Variants in DYNC1I2 observed in about 807,000 individuals in gnomAD.
DYNC1I2 encodes dynein cytoplasmic 1 intermediate chain 2.
DYNC1I2 carries 53 observed loss-of-function variants against 88.6 expected under a neutral mutation model. That is an observed-to-expected ratio of 0.60 (90% confidence interval 0.48 to 0.75). The LOEUF (loss-of-function observed/expected upper bound fraction) is 0.75. Among genes scored for constraint, DYNC1I2 ranks in the 30% least tolerant of loss-of-function variants. The probability of loss-of-function intolerance (pLI) is 0.00; values close to 1 mark genes in which losing one functional copy is unlikely to be tolerated. For missense variants in DYNC1I2, 458 were observed against 766.6 expected, an observed-to-expected ratio of 0.60 and a Z score of 4.75; for synonymous variants, 198 against 254.6, an observed-to-expected ratio of 0.78 and a Z score of 2.12.
At chr2:171,711,312 A>G (rs1687112598) in intron 5 of DYNC1I2, among the ~76,000 whole-genome samples, 1 of 151,790 alleles carries the variant, frequency 6.6e-6, no homozygotes, top group Non-Finnish European at 1.5e-5. Context: ...CCATTTTTCC[A>G]TTTTTGATCA....
chr2:171,709,679 G>A (rs188480228), intron 5 of DYNC1I2, among the ~76,000 whole-genome samples: 78 of 152,152 alleles, frequency 5.1e-4, no homozygotes, highest in Non-Finnish European at 8.8e-4. Flanking sequence ...TGAGTTTAAC[G>A]GAGAGAAAAA....
At chr2:171,735,326 A>G (rs999978777) in intron 15 of DYNC1I2, among the ~76,000 whole-genome samples, 2 of 152,178 alleles carry the variant, frequency 1.3e-5, no homozygotes, top group Non-Finnish European at 2.9e-5. Flanking sequence ...ATTGAACTCA[A>G]CTATTTTTAA....
intron 15 of DYNC1I2, among the ~76,000 whole-genome samples, chr2:171,730,975 G>C (rs1452696461): frequency 2.0e-5 from 3 of 152,092 alleles, no homozygotes; most frequent in Admixed American, 6.5e-5. Context: ...CTAAAAGCTT[G>C]CCTTTTAAAA....
At chr2:171,737,520 C>T (rs1446622975) in intron 15 of DYNC1I2, among the ~76,000 whole-genome samples, 1 of 152,162 alleles carries the variant, frequency 6.6e-6, no homozygotes, top group African/African-American at 2.4e-5. Flanking sequence ...CAGGTTCAAG[C>T]GATTATCATG....
At chr2:171,726,955 G>T in intron 11 of DYNC1I2, 39 bp downstream of exon 11, 1 of 1,519,072 alleles carries the variant, frequency 6.6e-7, no homozygotes, top group Non-Finnish European at 8.8e-7. Flanking sequence ...TCAAGTTTAA[G>T]AATTCATTGA....
chr2:171,706,818 T>A, intron 4 of DYNC1I2: 1 of 441,234 alleles, frequency 2.3e-6, no homozygotes, highest in Non-Finnish European at 4.0e-6. Context: ...TAGACAAAAG[T>A]TAATATTTTA....
chr2:171,713,827 C>G (rs542610877), intron 6 of DYNC1I2, among the ~76,000 whole-genome samples: 1 of 152,252 alleles, frequency 6.6e-6, no homozygotes, highest in South Asian at 2.1e-4. Flanking sequence ...ACTGGAAGCC[C>G]TCTGTAGTGG....
chr2:171,697,245 T>C (rs2105481836), intron 3 of DYNC1I2, among the ~76,000 whole-genome samples: 1 of 152,150 alleles, frequency 6.6e-6, no homozygotes, highest in African/African-American at 2.4e-5. Flanking sequence ...GGCTTTGAAC[T>C]CCTGGGCTCA....
chr2:171,704,824 T>A (rs1686549874), intron 3 of DYNC1I2, among the ~76,000 whole-genome samples: 1 of 152,194 alleles, frequency 6.6e-6, no homozygotes, highest in Non-Finnish European at 1.5e-5. Context: ...CTAGATTAAT[T>A]GGATTAAAAT....
intron 3 of DYNC1I2, 68 bp downstream of exon 3, chr2:171,692,962 G>A (rs774422170): frequency 9.4e-7 from 1 of 1,067,236 alleles, no homozygotes; most frequent in Non-Finnish European, 1.4e-6. Flanking sequence ...ACATAGCTGA[G>A]TGGATTGACT....
chr2:171,706,846 CTA>C (rs1029305507), intron 4 of DYNC1I2: 99 of 411,752 alleles, frequency 2.4e-4, no homozygotes, highest in African/African-American at 1.9e-3. Flanking sequence ...TCTTGAGAAA[CTA>C]GAGATTAAAT....
chr2:171,700,776 C>T (rs1263394504), intron 3 of DYNC1I2, among the ~76,000 whole-genome samples: 3 of 152,054 alleles, frequency 2.0e-5, no homozygotes, highest in Non-Finnish European at 4.4e-5. Flanking sequence ...GGACTACAGG[C>T]GCCCGCCACC....
chr2:171,691,901 T>C (rs1397966287), intron 2 of DYNC1I2, among the ~76,000 whole-genome samples: 1 of 152,124 alleles, frequency 6.6e-6, no homozygotes, highest in Non-Finnish European at 1.5e-5. Flanking sequence ...TATTAAACTG[T>C]GAGTCTATTA....
At chr2:171,733,651 T>C (rs1688797131) in intron 15 of DYNC1I2, among the ~76,000 whole-genome samples, 1 of 151,748 alleles carries the variant, frequency 6.6e-6, no homozygotes, top group African/African-American at 2.4e-5. Context: ...AAATTTAAGT[T>C]CCTTATAGAT....
At position 171,730,566 on chromosome 2, in the gene DYNC1I2, A is replaced by T. The variant is rs963948527; in HGVS notation, c.1536+713A>T. Among the ~76,000 whole-genome samples, 17 of 152,338 alleles carry T rather than the reference A, an allele frequency of 1.1e-4. No individual in the cohort carries two copies. In the East Asian group the frequency reaches 3.1e-3, roughly 28 times the overall value. ...AGTAGGCAACATTACCTCCTGTGAT[A>T]GACTTGTAATTTCATTTAATCTCAT... On this transcript the variant is annotated intron_variant, in intron 15 of 17. Transcript: ENST00000397119.
chr2:171,726,397 G>T, intron 10 of DYNC1I2, 104 bp downstream of exon 10: 1 of 782,050 alleles, frequency 1.3e-6, no homozygotes. Flanking sequence ...ATCAATATGT[G>T]TTATTTAAAA....
Position 171,727,941 on chromosome 2 carries a change from A to G in DYNC1I2, c.1117A>G (p.Thr373Ala). Residue 373 changes from threonine to alanine, a missense_variant, in exon 12 of 18, where the codon ACT becomes GCT. Thr to Ala is a moderately conservative substitution (Grantham distance 58). Coordinates refer to ENST00000397119, the MANE Select transcript of DYNC1I2 (RefSeq NM_001378.3). ...RSNKRTPVQR[T>A]PLSAAAHTHP... The stretch of plus-strand genomic sequence containing the variant: ...CAATAAAAGAACTCCAGTGCAAAGA[A>G]CTCCACTGTCAGCAGCTGCACACAC... 1.9e-6 allele frequency: 3 copies of G among 1,613,076 alleles called. No homozygotes were observed. The highest frequency in any genetic ancestry group is 2.5e-6 in the Non-Finnish European group (3 of 1,179,342).
rs935890977 is a variant in DYNC1I2 at position 171,726,842 on chromosome 2, G to A, written c.922G>A (p.Glu308Lys). The change falls in exon 11 of 18, where the codon GAG becomes AAG. Residue 308 changes from glutamate to lysine, a missense_variant. Transcript: ENST00000397119. ...SYNNNEDAPH[E>K]PDGVALVWNM... ...TAACAACAATGAAGATGCCCCTCAT[G>A]AGCCTGATGGTGTGGCCCTTGTATG... is the stretch of plus-strand genomic sequence containing the variant. 3 of 1,613,072 alleles carry A rather than the reference G, an allele frequency of 1.9e-6. No individual in the cohort carries two copies. The highest frequency in any genetic ancestry group is 2.5e-6 in the Non-Finnish European group (3 of 1,179,386).
At chr2:171,727,681 A>T in intron 11 of DYNC1I2, 140 bp from the exon 12 acceptor site, 1 of 641,826 alleles carries the variant, frequency 1.6e-6, no homozygotes, top group Non-Finnish European at 2.4e-6. Context: ...GAAAACTTTT[A>T]ATTAATTTAC....
Sources: gnomAD v4.1 joint callset for allele counts (sites outside exome capture counted in the v4.1 genomes callset) on GRCh38, gnomAD v4.1.1 for gene constraint, MANE v1.5 for transcripts, NCBI Gene and HGNC (gene_info 2026-07-23, HGNC 2026-07-21) for gene names.